Variants in STIM1 observed in about 807,000 individuals in gnomAD.
STIM1 encodes stromal interaction molecule 1.
In STIM1, 25 loss-of-function variants were observed where a neutral mutation model predicts 74.7. The ratio of observed to expected loss-of-function variants is 0.33; its 90% confidence interval spans 0.24 to 0.47. The LOEUF (loss-of-function observed/expected upper bound fraction) is 0.47, where lower values mean the gene tolerates loss of function less well. Among genes scored for constraint, STIM1 ranks in the 20% least tolerant of loss-of-function variants. The pLI, the probability that STIM1 is intolerant of heterozygous loss-of-function variation, is 1.00. For synonymous variants in STIM1, 328 were observed against 348.8 expected (o/e 0.94, Z 0.66); for missense variants, 728 against 920.8 (o/e 0.79, Z 2.71).
intron 1 of STIM1, among the ~76,000 whole-genome samples, chr11:3,874,008 C>T (rs900679876): frequency 2.0e-5 from 3 of 152,172 alleles, no homozygotes; most frequent in African/African-American, 7.2e-5. Context: ...ACTTTCCTTG[C>T]ACTAGGTCCT....
intron 1 of STIM1, among the ~76,000 whole-genome samples, chr11:3,891,337 T>C (rs1008571251): frequency 1.3e-5 from 2 of 151,896 alleles, no homozygotes; most frequent in African/African-American, 4.8e-5. Flanking sequence ...TTGCCCAGGC[T>C]GGAGTGCAGT....
chr11:3,895,642 C>CTTTCTTTCTTTCTTTCTTTCTTTT (rs2092056314), intron 1 of STIM1, among the ~76,000 whole-genome samples: 1 of 9,006 alleles, frequency 1.1e-4, no homozygotes, highest in African/African-American at 2.6e-4. Flanking sequence ...TTCTTTCTTT[C>CTTTCTTTCTTTCTTTCTTTCTTTT]TTTCTTTCTT....
intron 1 of STIM1, among the ~76,000 whole-genome samples, chr11:3,913,189 CT>C (rs955195379): frequency 2.0e-3 from 291 of 149,174 alleles, no homozygotes; most frequent in African/African-American, 5.9e-3. Context: ...TATCAAGTTG[CT>C]TTTTTTTTTC....
At position 3,879,623 on chromosome 11, in the gene STIM1, A is replaced by G. The variant is rs1345502071; in HGVS notation, c.139+23214A>G. The stretch of plus-strand genomic sequence containing the variant: ...GACAGGAGGGGATTGTTATCTCCAT[A>G]TTATTGTAAACAAATTCAAAGAAAG... On this transcript the variant is annotated intron_variant, in intron 1 of 12. Coordinates refer to ENST00000526596, the MANE Select transcript of STIM1 (RefSeq NM_001382567.1). Among the ~76,000 whole-genome samples, 5 of 152,178 alleles carry G rather than the reference A, an allele frequency of 3.3e-5. No homozygotes were observed. In the East Asian group the frequency reaches 9.6e-4, roughly 29 times the overall value.
At chr11:3,886,066 A>T (rs1037681942) in intron 1 of STIM1, among the ~76,000 whole-genome samples, 3 of 152,250 alleles carry the variant, frequency 2.0e-5, no homozygotes, top group Non-Finnish European at 4.4e-5. Context: ...AAGGATTGGC[A>T]TGGGTGAGTC....
intron 6 of STIM1, among the ~76,000 whole-genome samples, chr11:4,072,026 T>G (rs1344949717): frequency 6.6e-6 from 1 of 152,206 alleles, no homozygotes; most frequent in Non-Finnish European, 1.5e-5. Context: ...TGCTGCTGTC[T>G]GAGCAGTCCC....
At chr11:3,933,245 C>A (rs1413255859) in intron 1 of STIM1, among the ~76,000 whole-genome samples, 2 of 152,094 alleles carry the variant, frequency 1.3e-5, no homozygotes, top group Non-Finnish European at 2.9e-5. Context: ...CCACGTTTCC[C>A]CAATTGTGCA....
At chr11:4,010,821 C>T (rs1199633768) in intron 2 of STIM1, among the ~76,000 whole-genome samples, 1 of 151,986 alleles carries the variant, frequency 6.6e-6, no homozygotes, top group African/African-American at 2.4e-5. Flanking sequence ...CTGCACCCAT[C>T]AAGTTGTCAT....
chr11:4,092,147 T>C lies in STIM1; in HGVS notation c.*349T>C. ...CCCAGTTTTGAGGTTTGGTTTCTTG[T>C]TTCTGTCTCTTGCTTTCGGGCTCCT... On this transcript the variant is annotated 3_prime_UTR_variant, in exon 13 of 13. Transcript: ENST00000526596. The C allele has an allele frequency of 2.7e-6, 1 of 369,622 alleles. No individual in the cohort carries two copies. The allele number at this position is 369,622 out of a possible 1,614,324, so 22.9% of individuals were successfully genotyped here.
intron 2 of STIM1, among the ~76,000 whole-genome samples, chr11:3,971,974 T>C (rs545830821): frequency 6.6e-6 from 1 of 152,300 alleles, no homozygotes; most frequent in South Asian, 2.1e-4. Flanking sequence ...AAACTCTTTG[T>C]GGGACAGCAT....
chr11:4,020,405 C>T (rs906049784), intron 2 of STIM1, among the ~76,000 whole-genome samples: 1 of 152,170 alleles, frequency 6.6e-6, no homozygotes, highest in Non-Finnish European at 1.5e-5. Flanking sequence ...TACTAATTTA[C>T]ACTGCCACCA....
At chr11:4,072,551 T>C (rs564088486) in intron 6 of STIM1, among the ~76,000 whole-genome samples, 1 of 152,280 alleles carries the variant, frequency 6.6e-6, no homozygotes, top group South Asian at 2.1e-4. Context: ...CAGTGCTTAA[T>C]TGTATACTTA....
At chr11:3,877,666 C>G (rs2091351025) in intron 1 of STIM1, among the ~76,000 whole-genome samples, 1 of 152,074 alleles carries the variant, frequency 6.6e-6, no homozygotes, top group South Asian at 2.1e-4. Context: ...TAGTGAATAC[C>G]TAATTTTTCC....
At chr11:4,004,758 C>T (rs2093759534) in intron 2 of STIM1, among the ~76,000 whole-genome samples, 1 of 151,912 alleles carries the variant, frequency 6.6e-6, no homozygotes. Context: ...AACTAAAGAG[C>T]TTCTGCACAG....
At chr11:4,019,909 T>C (rs1342061878) in intron 2 of STIM1, among the ~76,000 whole-genome samples, 1 of 152,182 alleles carries the variant, frequency 6.6e-6, no homozygotes, top group Admixed American at 6.5e-5. Context: ...CCCTCCCAAC[T>C]GTAAATTTGT....
At chr11:3,910,130 A>G (rs2092537660) in intron 1 of STIM1, among the ~76,000 whole-genome samples, 1 of 152,184 alleles carries the variant, frequency 6.6e-6, no homozygotes, top group African/African-American at 2.4e-5. Context: ...CAGATGCCAG[A>G]TTATAGAGAG....
At position 3,999,916 on chromosome 11, in the gene STIM1, C is replaced by T. The variant is rs201409397; in HGVS notation, c.271-23957C>T. Among the ~76,000 whole-genome samples the T allele has an allele frequency of 3.9e-5, 6 of 152,218 alleles. No individual in the cohort carries two copies. In the East Asian group the frequency reaches 5.8e-4, roughly 15 times the overall value. Reference sequence around the variant, plus strand: ...CTTTTCCGACGGGCTTAGGAAATGGCGCACCAGGAGATTATATCCTGCACC... The same window carrying T: ...CTTTTCCGACGGGCTTAGGAAATGGTGCACCAGGAGATTATATCCTGCACC... On this transcript the variant is annotated intron_variant, in intron 2 of 12. Transcript: ENST00000526596.
intron 1 of STIM1, among the ~76,000 whole-genome samples, chr11:3,856,765 G>A (rs1178554480): frequency 6.6e-6 from 1 of 152,154 alleles, no homozygotes; most frequent in African/African-American, 2.4e-5. Flanking sequence ...CTCCTATTCG[G>A]TTTTAGTACT....
chr11:3,861,725 T>A (rs1408510579), intron 1 of STIM1, among the ~76,000 whole-genome samples: 1 of 152,210 alleles, frequency 6.6e-6, no homozygotes, highest in Non-Finnish European at 1.5e-5. Flanking sequence ...AAGAGAATAT[T>A]GAAAACAAAG....
Sources: gnomAD v4.1 joint callset for allele counts (sites outside exome capture counted in the v4.1 genomes callset) on GRCh38, gnomAD v4.1.1 for gene constraint, MANE v1.5 for transcripts, NCBI Gene and HGNC (gene_info 2026-07-23, HGNC 2026-07-21) for gene names.